The following SLFN12 variants were observed in gnomAD, a reference collection of about 807,000 sequenced individuals.
The protein encoded by SLFN12 is schlafen family member 12.
Under a neutral mutation model 29.1 loss-of-function variants are expected in SLFN12, and 25 were observed. That is an observed-to-expected ratio of 0.86 (90% CI 0.63 to 1.20). The LOEUF is 1.20. Among genes scored for constraint, SLFN12 ranks in the 50% most tolerant of loss-of-function variants. SLFN12 has a pLI of 0.00. For missense variants in SLFN12, 660 were observed against 666.2 expected (o/e 0.99, Z 0.10); for synonymous variants, 257 against 238.7 (o/e 1.08, Z -0.71).
intron 1 of SLFN12, among the ~76,000 whole-genome samples, chr17:35,424,258 TTTAAG>T (rs1273060602): frequency 6.6e-6 from 1 of 152,138 alleles, no homozygotes; most frequent in Non-Finnish European, 1.5e-5. Flanking sequence ...AAGTGTAACT[TTTAAG>T]TTAAGAAGTG....
chr17:35,420,232 A>G (rs1328651529), intron 3 of SLFN12, 42 bp downstream of exon 3: 2 of 1,376,728 alleles, frequency 1.5e-6, no homozygotes, highest in Admixed American at 1.7e-5. Context: ...AGGTTTGACT[A>G]CAGTCACACT....
chr17:35,419,503 G>A (rs1911504319), intron 3 of SLFN12, among the ~76,000 whole-genome samples: 1 of 152,072 alleles, frequency 6.6e-6, no homozygotes, highest in Non-Finnish European at 1.5e-5. Context: ...TATATGGCCA[G>A]TAAGTATATG....
chr17:35,431,977 T>A (rs1254740737), intron 1 of SLFN12: 1 of 152,170 alleles, frequency 6.6e-6, no homozygotes, highest in Non-Finnish European at 1.5e-5. Flanking sequence ...TTCCCGCTTC[T>A]GGGCAGGGCA....
chr17:35,413,701 A>G (rs1322401427), intron 3 of SLFN12, among the ~76,000 whole-genome samples: 1 of 151,360 alleles, frequency 6.6e-6, no homozygotes, highest in Non-Finnish European at 1.5e-5. Context: ...GGGTGCCAAG[A>G]TAGCGCCATT....
chr17:35,420,537 C>T (rs1315518546), intron 2 of SLFN12, 156 bp from the exon 3 acceptor site: 1 of 504,326 alleles, frequency 2.0e-6, no homozygotes, highest in Non-Finnish European at 3.5e-6. Context: ...AGGTCAGATA[C>T]AAATTGCAAA....
rs1597756277 is a variant in SLFN12 at position 35,411,074 on chromosome 17, G to A, written c.*264C>T. The stretch of plus-strand genomic sequence containing the variant: ...AAGTGTTGCAATTTTCCCAGTTCAA[G>A]CATGGAAGAAAATTTATTCAGGAAC... On this transcript the variant is annotated 3_prime_UTR_variant, in exon 4 of 4. Transcript: ENST00000304905. 1 of 241,908 alleles carries A rather than the reference G, an allele frequency of 4.1e-6. No individual in the cohort carries two copies. The highest frequency in any genetic ancestry group is 7.9e-6 in the Non-Finnish European group (1 of 126,552). The allele number at this position is 241,908 out of a possible 1,614,324, so 15.0% of individuals were successfully genotyped here.
chr17:35,428,908 A>C lies in SLFN12; in HGVS notation c.-41+3280T>G, dbSNP rs148707274. On this transcript the variant is annotated intron_variant, in intron 1 of 3. Transcript: ENST00000304905. ...TTGCACATGAGGCTGCCCCAAAGGC[A>C]AGTCCACCTTCCCTGTTGACCAGAC... Among the ~76,000 whole-genome samples the C allele has an allele frequency of 6.0e-4, 92 of 152,200 alleles. No individual in the cohort carries two copies. The East Asian group carries it at 8.3e-3, about 14-fold the overall frequency.
At position 35,411,361 on chromosome 17, in the gene SLFN12, T is replaced by A; in HGVS notation, c.1714A>T (p.Lys572Ter). The A allele has an allele frequency of 6.4e-7, 1 of 1,561,454 alleles. No individual in the cohort carries two copies. The highest frequency in any genetic ancestry group is 8.6e-7 in the Non-Finnish European group (1 of 1,156,462). The change falls in exon 4 of 4, where the codon AAA becomes TAA. Residue 572 changes from lysine to a stop codon, truncating the protein, a stop_gained. Transcript: ENST00000304905. LOFTEE classifies it high-confidence loss of function. ...CFQKNDKKMF[K>*]SCRRLT ...CATCAGGTGAGCCTTCGACAAGATTTAAACATCTTTTTATCATTCTTCTGA... is the reference window on the plus strand; with the variant it reads ...CATCAGGTGAGCCTTCGACAAGATTAAAACATCTTTTTATCATTCTTCTGA...
At position 35,423,041 on chromosome 17, in the gene SLFN12, T is replaced by C. The variant is rs1175518186; in HGVS notation, c.-13A>G. ...CACTGATGTTCATTTTCCCAGCAGCTATGCAGTGTCCAAGCAGAAATTCTT... is the reference window on the plus strand; with the variant it reads ...CACTGATGTTCATTTTCCCAGCAGCCATGCAGTGTCCAAGCAGAAATTCTT... On this transcript the variant is annotated 5_prime_UTR_variant, in exon 2 of 4. It adds an upstream start codon to the 5' untranslated region. Transcript: ENST00000304905. 16 of 1,594,246 alleles carry C rather than the reference T, an allele frequency of 1.0e-5. No individual in the cohort carries two copies. The highest frequency in any genetic ancestry group is 1.4e-5 in the Non-Finnish European group (16 of 1,170,562).
chr17:35,428,544 G>A (rs1192844610), intron 1 of SLFN12, among the ~76,000 whole-genome samples: 1 of 152,130 alleles, frequency 6.6e-6, no homozygotes, highest in Admixed American at 6.5e-5. Flanking sequence ...AAAACTCAGA[G>A]AGAACAAAGA....
At chr17:35,411,950 T>G in intron 3 of SLFN12, 23 bp from the exon 4 acceptor site, 1 of 1,485,716 alleles carries the variant, frequency 6.7e-7, no homozygotes, top group Non-Finnish European at 9.0e-7. Flanking sequence ...ATAATAATAA[T>G]AAATTATAAA....
intron 3 of SLFN12, among the ~76,000 whole-genome samples, chr17:35,413,290 A>G (rs185274540): frequency 2.2e-4 from 33 of 152,228 alleles, no homozygotes; most frequent in Admixed American, 2.2e-3. Context: ...ATTGAAGAGG[A>G]GGAAATACTT....
chr17:35,421,859 T>C, intron 2 of SLFN12, 131 bp downstream of exon 2: 3 of 1,261,334 alleles, frequency 2.4e-6, no homozygotes, highest in Non-Finnish European at 3.2e-6. Flanking sequence ...AACTATTGAT[T>C]GTATCCACCA....
At chr17:35,415,695 G>A (rs1348974807) in intron 3 of SLFN12, among the ~76,000 whole-genome samples, 3 of 152,096 alleles carry the variant, frequency 2.0e-5, no homozygotes, top group African/African-American at 7.2e-5. Context: ...CAAAAAGTGG[G>A]CAAAGGATAT....
intron 3 of SLFN12, among the ~76,000 whole-genome samples, chr17:35,413,785 CATA>C (rs1271213123): frequency 6.7e-6 from 1 of 150,056 alleles, no homozygotes; most frequent in African/African-American, 2.4e-5. Flanking sequence ...GATCATTCAT[CATA>C]ATAAGTGGGA....
chr17:35,422,889 G>A lies in SLFN12; in HGVS notation c.140C>T (p.Ala47Val). ...RKKQNESVSR[A>V]MCALLNSGGG... Reference sequence around the variant, plus strand: ...TCCAGAATTGAGCAGAGCACACATAGCTCGTGAGACACTTTCATTCTGCTT... The same window carrying A: ...TCCAGAATTGAGCAGAGCACACATAACTCGTGAGACACTTTCATTCTGCTT... Residue 47 changes from alanine to valine, a missense_variant, in exon 2 of 4, where the codon GCT (alanine) becomes GTT (valine). Ala to Val is a moderately conservative substitution (Grantham distance 64, BLOSUM62 0). Transcript: ENST00000304905. 1 of 1,613,952 alleles carries A rather than the reference G, an allele frequency of 6.2e-7. No individual in the cohort carries two copies. The highest frequency in any genetic ancestry group is 1.1e-5 in the South Asian group (1 of 91,078).
intron 3 of SLFN12, among the ~76,000 whole-genome samples, chr17:35,415,285 T>C (rs1423464544): frequency 6.6e-6 from 1 of 151,952 alleles, no homozygotes; most frequent in East Asian, 1.9e-4. Flanking sequence ...ATGCAACAAA[T>C]GGTGCTGGGA....
At chr17:35,418,876 G>A (rs1911468229) in intron 3 of SLFN12, among the ~76,000 whole-genome samples, 1 of 151,164 alleles carries the variant, frequency 6.6e-6, no homozygotes, top group East Asian at 2.0e-4. Flanking sequence ...TTGTTTGTTT[G>A]TTACTTACTG....
rs1422069225 is a variant in SLFN12 at position 35,423,164 on chromosome 17, A to G, written c.-40-96T>C. 2.9e-6 allele frequency: 4 copies of G among 1,359,678 alleles called. No individual in the cohort carries two copies. The African/African-American group carries it at 4.4e-5, about 15-fold the overall frequency. The allele number at this position is 1,359,678 out of a possible 1,614,324, so 84.2% of individuals were successfully genotyped here. A position where few individuals can be genotyped will look rare whatever the true frequency, so the allele number is the denominator to read the frequency against. The stretch of plus-strand genomic sequence containing the variant: ...AATGCAAAAAAATCCTGTGCTGTAT[A>G]TATTCTACTAGACTGGTAAGTATAT... On this transcript the variant is annotated intron_variant, in intron 1 of 3. Transcript: ENST00000304905.
Sources: gnomAD v4.1 joint callset for allele counts (sites outside exome capture counted in the v4.1 genomes callset) on GRCh38, gnomAD v4.1.1 for gene constraint, MANE v1.5 for transcripts, NCBI Gene and HGNC (gene_info 2026-07-23, HGNC 2026-07-21) for gene names.